Variants in ASAP1 observed in about 807,000 individuals in gnomAD.
The protein encoded by ASAP1 is ArfGAP with SH3 domain, ankyrin repeat and PH domain 1, also known as arf-GAP with SH3 domain, ANK repeat and PH domain-containing protein 1.
ASAP1 carries 43 observed loss-of-function variants against 145.2 expected under a neutral mutation model. The ratio of observed to expected loss-of-function variants is 0.30; its 90% CI spans 0.23 to 0.38. The LOEUF (loss-of-function observed/expected upper bound fraction) is 0.38, where lower values mean the gene tolerates loss of function less well. Among genes scored for constraint, ASAP1 ranks in the 10% least tolerant of loss-of-function variants. The pLI is 1.00. For synonymous variants in ASAP1, 546 were observed against 515.5 expected (o/e 1.06, Z -0.80); for missense variants, 1,018 against 1,355.3 (o/e 0.75, Z 3.91).
At chr8:130,232,926 G>A (rs1185810007) in intron 4 of ASAP1, among the ~76,000 whole-genome samples, 1 of 152,220 alleles carries the variant, frequency 6.6e-6, no homozygotes, top group Non-Finnish European at 1.5e-5. Context: ...CTCTGGATGA[G>A]GCCAAAAGCC....
chr8:130,258,353 C>T (rs1819694064), intron 3 of ASAP1, among the ~76,000 whole-genome samples: 1 of 152,198 alleles, frequency 6.6e-6, no homozygotes, highest in Non-Finnish European at 1.5e-5. Flanking sequence ...TTAACACAGC[C>T]ACCTTCACCC....
At chr8:130,107,131 T>C (rs562046774) in intron 24 of ASAP1, among the ~76,000 whole-genome samples, 1 of 151,170 alleles carries the variant, frequency 6.6e-6, no homozygotes, top group South Asian at 2.1e-4. Flanking sequence ...GAGACAAGTA[T>C]GGGGCAGGAT....
intron 7 of ASAP1, among the ~76,000 whole-genome samples, chr8:130,184,711 C>G (rs1465882148): frequency 2.0e-5 from 3 of 152,180 alleles, no homozygotes; most frequent in Non-Finnish European, 4.4e-5. Context: ...AAAGCACTAT[C>G]TGATGTTTTA....
intron 3 of ASAP1, among the ~76,000 whole-genome samples, chr8:130,267,834 C>T (rs935040854): frequency 9.2e-5 from 14 of 152,164 alleles, no homozygotes; most frequent in African/African-American, 3.1e-4. Flanking sequence ...GGGTGAGGCC[C>T]TCTCTCTAGA....
Position 130,264,801 on chromosome 8 carries a change from C to A in ASAP1, c.187-27807G>T, listed in dbSNP as rs140649809. ...CATCACAAGTAAACCACAATGTCAA[C>A]ACACGATGATCACTATGTACGCAAA... On this transcript the variant is annotated intron_variant, in intron 3 of 29. Transcript: ENST00000518721. Among the ~76,000 whole-genome samples the A allele has an allele frequency of 8.2e-4, 125 of 152,160 alleles. 1 individual carries two copies. Among genetic ancestry groups the A allele is most frequent in the Non-Finnish European group, 1.5e-3 (103 of 68,010 alleles).
intron 3 of ASAP1, among the ~76,000 whole-genome samples, chr8:130,329,674 T>A (rs1424193602): frequency 6.6e-6 from 1 of 152,178 alleles, no homozygotes; most frequent in Non-Finnish European, 1.5e-5. Flanking sequence ...TTGAGAGTAT[T>A]TTACATTTTA....
At chr8:130,278,172 A>G (rs1821033952) in intron 3 of ASAP1, among the ~76,000 whole-genome samples, 1 of 152,222 alleles carries the variant, frequency 6.6e-6, no homozygotes, top group African/African-American at 2.4e-5. Context: ...GTTAGACAGC[A>G]TAAAGGGAAT....
chr8:130,259,897 A>ATTAAGTGCATT (rs1209073955), intron 3 of ASAP1, among the ~76,000 whole-genome samples: 1 of 152,230 alleles, frequency 6.6e-6, no homozygotes, highest in Non-Finnish European at 1.5e-5. Context: ...AGGCTTTCAA[A>ATTAAGTGCATT]TTAAGTGCAT....
Position 130,060,638 on chromosome 8 carries a change from T to TG in ASAP1, c.3132dup (p.Asn1045GlnfsTer24), listed in dbSNP as rs1164867957. 1 of 1,614,146 alleles carries TG rather than the reference T, an allele frequency of 6.2e-7. No individual in the cohort carries two copies. The highest frequency in any genetic ancestry group is 8.5e-7 in the Non-Finnish European group (1 of 1,180,022). On this transcript the variant is annotated frameshift_variant, in exon 28 of 30. Transcript: ENST00000518721. LOFTEE classifies it high-confidence loss of function. ...TCTGGCAGAGTAGGCGTGAGGTCGT[T>TG]GGAGTCTTCAGATGCTTGCTTTTGG...
chr8:130,431,571 C>T (rs932666375), intron 1 of ASAP1, among the ~76,000 whole-genome samples: 7 of 152,102 alleles, frequency 4.6e-5, no homozygotes, highest in East Asian at 1.9e-4. Flanking sequence ...ATTTAAGATT[C>T]GGCTCAAGGA....
At chr8:130,372,881 T>C (rs908621226) in intron 2 of ASAP1, among the ~76,000 whole-genome samples, 1 of 152,106 alleles carries the variant, frequency 6.6e-6, no homozygotes, top group African/African-American at 2.4e-5. Context: ...CACTCATGCA[T>C]ATGGACACAT....
intron 2 of ASAP1, among the ~76,000 whole-genome samples, chr8:130,367,995 CT>C (rs545821308): frequency 6.6e-6 from 1 of 152,230 alleles, no homozygotes; most frequent in South Asian, 2.1e-4. Flanking sequence ...TTAACATATG[CT>C]ATTTAGTTAA....
chr8:130,283,377 G>A (rs895965261), intron 3 of ASAP1, among the ~76,000 whole-genome samples: 3 of 151,994 alleles, frequency 2.0e-5, no homozygotes, highest in Admixed American at 6.6e-5. Context: ...TCAAGAGATC[G>A]AGACCATCCT....
chr8:130,134,548 GA>G (rs541466232), intron 14 of ASAP1, among the ~76,000 whole-genome samples: 1 of 150,536 alleles, frequency 6.6e-6, no homozygotes, highest in Non-Finnish European at 1.5e-5. Context: ...TATTTTTACA[GA>G]AAAAAAAACT....
intron 24 of ASAP1, among the ~76,000 whole-genome samples, chr8:130,104,445 GT>G (rs1475042320): frequency 6.6e-6 from 1 of 152,060 alleles, no homozygotes. Context: ...TACTTCCTCC[GT>G]CCTTTGTTCT....
At chr8:130,348,927 C>A (rs1220331493) in intron 3 of ASAP1, among the ~76,000 whole-genome samples, 1 of 152,184 alleles carries the variant, frequency 6.6e-6, no homozygotes, top group Non-Finnish European at 1.5e-5. Flanking sequence ...TACCCCAAAG[C>A]CCCAGCAAGA....
At chr8:130,219,119 C>T (rs1278448832) in intron 4 of ASAP1, among the ~76,000 whole-genome samples, 2 of 150,602 alleles carry the variant, frequency 1.3e-5, no homozygotes, top group Non-Finnish European at 3.0e-5. Flanking sequence ...ACTGTTACCG[C>T]TATATATCCA....
intron 24 of ASAP1, among the ~76,000 whole-genome samples, chr8:130,094,507 C>T (rs2097513071): frequency 6.6e-6 from 1 of 151,826 alleles, no homozygotes; most frequent in Admixed American, 6.6e-5. Flanking sequence ...CACGCCTAGT[C>T]TAAATTTAAA....
At chr8:130,122,075 G>A (rs1405510759) in intron 18 of ASAP1, among the ~76,000 whole-genome samples, 1 of 151,958 alleles carries the variant, frequency 6.6e-6, no homozygotes, top group Non-Finnish European at 1.5e-5. Flanking sequence ...CTTCCCCCCA[G>A]GGAGGGTGCC....
Sources: allele counts gnomAD v4.1 joint callset (sites outside exome capture counted in the v4.1 genomes callset), GRCh38; gene constraint gnomAD v4.1.1; transcripts MANE v1.5; gene names NCBI Gene and HGNC (gene_info 2026-07-23, HGNC 2026-07-21).